ITGA1: variants seen among roughly 807,000 people sequenced by gnomAD.
ITGA1 encodes integrin alpha-1.
ITGA1 carries 85 observed loss-of-function variants against 145.9 expected under a neutral mutation model. That is an observed-to-expected ratio of 0.58 (90% confidence interval 0.49 to 0.70). ITGA1 has a LOEUF of 0.70. ITGA1 is among the 30% of genes least tolerant of loss of function. The pLI, the probability that ITGA1 is intolerant of heterozygous loss-of-function variation, is 0.00. For synonymous variants in ITGA1, 520 were observed against 495.3 expected, an observed-to-expected ratio of 1.05 and a Z score of -0.66; for missense variants, 1,351 against 1,418.7, an observed-to-expected ratio of 0.95 and a Z score of 0.77.
intron 7 of ITGA1, among the ~76,000 whole-genome samples, chr5:52,885,042 TCTTA>T (rs1337381669): frequency 6.6e-6 from 1 of 152,148 alleles, no homozygotes; most frequent in Non-Finnish European, 1.5e-5. Context: ...CAGTAAAGTA[TCTTA>T]CTTACTATTA....
chr5:52,952,521 C>T lies in ITGA1; in HGVS notation c.*70C>T, dbSNP rs930243028. The T allele has an allele frequency of 9.0e-6, 6 of 666,060 alleles. No individual in the cohort carries two copies. Among genetic ancestry groups the T allele is most frequent in the Non-Finnish European group, 1.0e-5 (4 of 401,930 alleles). 41.3% of individuals were successfully genotyped at this position (666,060 alleles called of 1,614,324 possible). A position where few individuals can be genotyped will look rare whatever the true frequency, so the allele number is the denominator to read the frequency against. ...CCTCAGGTTTGCCTCAAATATGTGA[C>T]AAGAAATGTATAATTCATGACATAG... On this transcript the variant is annotated 3_prime_UTR_variant, in exon 29 of 29. Transcript: ENST00000282588.
chr5:52,915,367 T>A, intron 14 of ITGA1, 97 bp from the exon 15 acceptor site: 2 of 1,338,128 alleles, frequency 1.5e-6, no homozygotes, highest in East Asian at 4.6e-5. Context: ...TTAACAAAAC[T>A]GATTATTTTG....
chr5:52,855,097 G>A (rs1749492433), intron 2 of ITGA1, among the ~76,000 whole-genome samples: 4 of 152,144 alleles, frequency 2.6e-5, no homozygotes, highest in South Asian at 4.1e-4. Flanking sequence ...GGGTTTGGGC[G>A]GATATCATTG....
At chr5:52,893,250 G>C (rs1011761322) in intron 8 of ITGA1, among the ~76,000 whole-genome samples, 11 of 152,128 alleles carry the variant, frequency 7.2e-5, no homozygotes, top group Admixed American at 2.6e-4. Context: ...AATAGTTTCA[G>C]GAAGAATTGC....
intron 7 of ITGA1, among the ~76,000 whole-genome samples, chr5:52,885,951 A>C (rs1750039536): frequency 6.6e-6 from 1 of 152,226 alleles, no homozygotes; most frequent in South Asian, 2.1e-4. Context: ...TCTCAGCCTA[A>C]TTGCCTATAA....
chr5:52,896,896 G>T (rs1039045691), intron 9 of ITGA1, among the ~76,000 whole-genome samples: 1 of 152,150 alleles, frequency 6.6e-6, no homozygotes, highest in African/African-American at 2.4e-5. Context: ...CTTACCACCA[G>T]TAATTAGAGC....
At chr5:52,828,309 T>C (rs1046725221) in intron 1 of ITGA1, among the ~76,000 whole-genome samples, 1 of 152,170 alleles carries the variant, frequency 6.6e-6, no homozygotes, top group African/African-American at 2.4e-5. Context: ...TCCTTGTCAA[T>C]CCTTATTTTC....
At chr5:52,885,530 C>G (rs1250418439) in intron 7 of ITGA1, among the ~76,000 whole-genome samples, 2 of 152,152 alleles carry the variant, frequency 1.3e-5, no homozygotes, top group Non-Finnish European at 2.9e-5. Flanking sequence ...AGTTCTGCAC[C>G]AGAAACCAGA....
chr5:52,819,765 G>T (rs1748837699), intron 1 of ITGA1, among the ~76,000 whole-genome samples: 1 of 152,144 alleles, frequency 6.6e-6, no homozygotes, highest in African/African-American at 2.4e-5. Flanking sequence ...TTCTTCTAGG[G>T]TTTTTATGGT....
At chr5:52,877,461 A>C (rs2111797337) in intron 6 of ITGA1, among the ~76,000 whole-genome samples, 1 of 152,236 alleles carries the variant, frequency 6.6e-6, no homozygotes, top group East Asian at 1.9e-4. Context: ...GCCTTCCATA[A>C]ACACGCCCAC....
chr5:52,849,284 C>A, intron 1 of ITGA1, 81 bp from the exon 2 acceptor site: 1 of 1,243,934 alleles, frequency 8.0e-7, no homozygotes, highest in Non-Finnish European at 1.1e-6. Context: ...CGATGGTAAC[C>A]TTAACCATGC....
chr5:52,927,797 G>T (rs753350056), intron 20 of ITGA1, 133 bp downstream of exon 20: 4 of 623,022 alleles, frequency 6.4e-6, no homozygotes, highest in Non-Finnish European at 1.1e-5. Context: ...AATTGTGACA[G>T]ATTGGAATAT....
Position 52,872,575 on chromosome 5 carries a change from A to ATTTTTTTTTTTTTTTTT in ITGA1, c.624+6760_624+6776dup, listed in dbSNP as rs58664401. ...CTTCCCCTTACACCCGCCTCAGTCA[A>ATTTTTTTTTTTTTTTTT]TTTTTTTTTTTTTTTTTTGTGGGTG... is the stretch of plus-strand genomic sequence containing the variant. On this transcript the variant is annotated intron_variant, in intron 6 of 28. Coordinates refer to ENST00000282588, the MANE Select transcript of ITGA1 (RefSeq NM_181501.2). Among the ~76,000 whole-genome samples the ATTTTTTTTTTTTTTTTT allele has an allele frequency of 1.6e-4, 16 of 98,362 alleles. 1 individual carries two copies. Among genetic ancestry groups the ATTTTTTTTTTTTTTTTT allele is most frequent in the African/African-American group, 1.8e-4 (5 of 27,718 alleles). 64.5% of individuals were successfully genotyped at this position (98,362 alleles called of 152,430 possible).
chr5:52,914,463 C>T (rs1181327356), intron 14 of ITGA1, among the ~76,000 whole-genome samples: 3 of 151,952 alleles, frequency 2.0e-5, no homozygotes, highest in South Asian at 2.1e-4. Flanking sequence ...GGTGAAACCC[C>T]GTCTCTACTA....
intron 12 of ITGA1, 37 bp downstream of exon 12, chr5:52,905,945 T>G (rs1331650821): frequency 1.3e-6 from 2 of 1,558,734 alleles, no homozygotes; most frequent in African/African-American, 2.7e-5. Context: ...TAAATTAATC[T>G]ATTCATACTC....
chr5:52,939,580 T>C lies in ITGA1; in HGVS notation c.3079-10T>C. 1 of 1,556,456 alleles carries C rather than the reference T, an allele frequency of 6.4e-7. No homozygotes were observed. The highest frequency in any genetic ancestry group is 8.8e-7 in the Non-Finnish European group (1 of 1,130,602). ...GCATTGTCTGATAAATGTAATATTT[T>C]CATTTCTAGAATGCAAACTGCAGAC... is the stretch of plus-strand genomic sequence containing the variant. On this transcript the variant is annotated splice_polypyrimidine_tract_variant and intron_variant, in intron 24 of 28. Coordinates refer to ENST00000282588, the MANE Select transcript of ITGA1 (RefSeq NM_181501.2).
At chr5:52,887,725 T>G in intron 7 of ITGA1, 90 bp from the exon 8 acceptor site, 1 of 1,293,806 alleles carries the variant, frequency 7.7e-7, no homozygotes, top group African/African-American at 1.5e-5. Context: ...CCAGGCTACC[T>G]AGAGTAGTCA....
chr5:52,791,018 TTTACA>T (rs1413277643), intron 1 of ITGA1, among the ~76,000 whole-genome samples: 1 of 152,150 alleles, frequency 6.6e-6, no homozygotes, highest in East Asian at 1.9e-4. Context: ...CCAAACTGGG[TTTACA>T]TCAGAACAAC....
chr5:52,843,013 G>C (rs965981348), intron 1 of ITGA1, among the ~76,000 whole-genome samples: 4 of 151,984 alleles, frequency 2.6e-5, no homozygotes, highest in African/African-American at 9.7e-5. Flanking sequence ...TTTTATGACT[G>C]TATTTCCAGG....
Sources: allele counts gnomAD v4.1 joint callset (sites outside exome capture counted in the v4.1 genomes callset), GRCh38; gene constraint gnomAD v4.1.1; transcripts MANE v1.5; gene names NCBI Gene and HGNC (gene_info 2026-07-23, HGNC 2026-07-21).